The following CES5A variants were observed in gnomAD, a reference collection of about 807,000 sequenced individuals.
CES5A encodes the protein carboxylesterase 5A, also known as carboxylesterase 5.
CES5A carries 67 observed loss-of-function variants against 62.9 expected under a neutral mutation model. That is an observed-to-expected ratio of 1.07 (90% confidence interval 0.88 to 1.31). The LOEUF (loss-of-function observed/expected upper bound fraction) is 1.31, where lower values mean the gene tolerates loss of function less well. CES5A is among the 50% of genes most tolerant of loss of function. The pLI is 0.00. For missense variants in CES5A, 748 were observed against 708.5 expected, an observed-to-expected ratio of 1.06 and a Z score of -0.63; for synonymous variants, 296 against 280.8, an observed-to-expected ratio of 1.05 and a Z score of -0.54.
rs368123379 is a variant in CES5A at position 55,861,369 on chromosome 16, C to T, written c.915+43G>A. ...GGTAGGATTTGTTCATCTCTCCGTT[C>T]GAAGGGCAAGCCTGCCCCCAAAACT... is the stretch of plus-strand genomic sequence containing the variant. On this transcript the variant is annotated intron_variant, in intron 7 of 12. Coordinates refer to ENST00000290567, the MANE Select transcript of CES5A (RefSeq NM_001143685.2). 1.2e-4 allele frequency: 133 copies of T among 1,097,862 alleles called. 1 individual carries two copies. The highest frequency in any genetic ancestry group is 2.9e-4 in the African/African-American group (19 of 64,630). The allele number at this position is 1,097,862 out of a possible 1,614,324, so 68.0% of individuals were successfully genotyped here. A position where few individuals can be genotyped will look rare whatever the true frequency, so the allele number is the denominator to read the frequency against.
At chr16:55,866,175 C>G in intron 4 of CES5A, 59 bp from the exon 5 acceptor site, 2 of 1,538,898 alleles carry the variant, frequency 1.3e-6, no homozygotes, top group Non-Finnish European at 1.8e-6. Context: ...TCCCACAGCC[C>G]TGGAAGTTCT....
At chr16:55,947,124 C>T (rs1246858774) in intron 2 of CES5A, among the ~76,000 whole-genome samples, 3 of 152,056 alleles carry the variant, frequency 2.0e-5, no homozygotes, top group Non-Finnish European at 4.4e-5. Flanking sequence ...GGAGGGACCC[C>T]GGGGAAGTTA....
At position 55,873,936 on chromosome 16, in the gene CES5A, C is replaced by T. The variant is rs747900232; in HGVS notation, c.175G>A (p.Gly59Arg). 10 of 1,613,626 alleles carry T rather than the reference C, an allele frequency of 6.2e-6. No individual in the cohort carries two copies. Among genetic ancestry groups the T allele is most frequent in the East Asian group, 2.2e-5 (1 of 44,872 alleles). ...AGCGGGGGAGCAGCAAAGGGGACTC[C>T]GAGGAACACGTTCACAGGCACAGGG... is the stretch of plus-strand genomic sequence containing the variant. The part of the protein sequence containing the change: ...GSPVPVNVFL[G>R]VPFAAPPLGS... The change falls in exon 2 of 13, where the codon GGA (glycine) becomes AGA (arginine). Residue 59 changes from glycine to arginine, a missense_variant. Coordinates refer to ENST00000290567, the MANE Select transcript of CES5A (RefSeq NM_001143685.2).
intron 1 of CES5A, among the ~76,000 whole-genome samples, chr16:55,913,898 C>T (rs1009953199): frequency 6.6e-6 from 1 of 152,312 alleles, no homozygotes; most frequent in African/African-American, 2.4e-5. Context: ...ACTGTTCCCA[C>T]GTCATGTTGC....
At chr16:55,947,932 C>T (rs929861474) in intron 2 of CES5A, among the ~76,000 whole-genome samples, 4 of 151,852 alleles carry the variant, frequency 2.6e-5, no homozygotes, top group African/African-American at 9.7e-5. Context: ...TATTGGAGAG[C>T]GCTGAGCCAA....
Position 55,899,323 on chromosome 16 carries a change from G to T in CES5A, c.-255-25286C>A, listed in dbSNP as rs1186746278. Among the ~76,000 whole-genome samples the T allele has an allele frequency of 2.6e-5, 4 of 152,264 alleles. No individual in the cohort carries two copies. In the East Asian group the frequency reaches 5.8e-4, roughly 22 times the overall value. Reference sequence around the variant, plus strand: ...TATAATGGGAGGCTTCCTGGATAAGGTTTCCAAATGAGAATGGCTAGAAAA... The same window carrying T: ...TATAATGGGAGGCTTCCTGGATAAGTTTTCCAAATGAGAATGGCTAGAAAA... On this transcript the variant is annotated intron_variant, in intron 1 of 12. Transcript: ENST00000518005.
chr16:55,951,190 C>T (rs1005990525), intron 1 of CES5A, among the ~76,000 whole-genome samples: 10 of 146,900 alleles, frequency 6.8e-5, no homozygotes, highest in South Asian at 2.1e-4. Flanking sequence ...ATTCTTCCAA[C>T]GAACAAAACA....
upstream of CES5A, among the ~76,000 whole-genome samples, chr16:55,928,838 C>T (rs1483665679): frequency 6.6e-6 from 1 of 152,164 alleles, no homozygotes; most frequent in African/African-American, 2.4e-5. Context: ...CCTGCTGTCC[C>T]ACATGCTCCT....
chr16:55,900,542 G>A (rs1021271952), intron 1 of CES5A, among the ~76,000 whole-genome samples: 6 of 152,188 alleles, frequency 3.9e-5, no homozygotes, highest in Non-Finnish European at 7.4e-5. Context: ...TGAAAGAAAG[G>A]AGGGGAACTT....
chr16:55,918,178 C>T (rs1378421504), intron 1 of CES5A, among the ~76,000 whole-genome samples: 5 of 152,234 alleles, frequency 3.3e-5, no homozygotes, highest in Admixed American at 2.0e-4. Context: ...TGGTAGGTCT[C>T]GCTGACCAAC....
rs35575589 is a variant in CES5A, at chr16:55,863,761, CTT to C, written c.706-311_706-310del. On this transcript the variant is annotated intron_variant, in intron 5 of 12. Coordinates refer to ENST00000290567, the MANE Select transcript of CES5A (RefSeq NM_001143685.2). Reference sequence around the variant, plus strand: ...AATATTTTTTTATTTCTTTTTATTTCTTTTTTTTTTTTTTGAGATGGAGTCTC... The same window carrying C: ...AATATTTTTTTATTTCTTTTTATTTCTTTTTTTTTTTTGAGATGGAGTCTC... 4.4e-3 allele frequency among the ~76,000 whole-genome samples: 628 copies of C among 141,448 alleles called. 2 individuals carry two copies. The highest frequency in any genetic ancestry group is 0.014 in the African/African-American group (532 of 37,972). 92.8% of individuals were successfully genotyped at this position (141,448 alleles called of 152,430 possible).
intron 1 of CES5A, among the ~76,000 whole-genome samples, chr16:55,886,168 G>A (rs2033813506): frequency 6.6e-6 from 1 of 152,196 alleles, no homozygotes; most frequent in South Asian, 2.1e-4. Context: ...AAAAGATAGT[G>A]ATGAGAAAAA....
At chr16:55,891,853 T>C (rs2033882776) in intron 1 of CES5A, among the ~76,000 whole-genome samples, 1 of 152,180 alleles carries the variant, frequency 6.6e-6, no homozygotes. Context: ...AATCTGACTC[T>C]AGCGTAACAT....
At chr16:55,847,759 AAATATAT>A (rs1449443111) in intron 11 of CES5A, among the ~76,000 whole-genome samples, 1 of 152,244 alleles carries the variant, frequency 6.6e-6, no homozygotes, top group African/African-American at 2.4e-5. Context: ...AATCATATAT[AAATATAT>A]AATGTATATG....
intron 2 of CES5A, among the ~76,000 whole-genome samples, chr16:55,873,569 G>C (rs1230840069): frequency 6.6e-6 from 1 of 152,158 alleles, no homozygotes; most frequent in African/African-American, 2.4e-5. Context: ...ATAGTTTCCT[G>C]GGCTCAGCTC....
chr16:55,931,903 C>T (rs550027280), intron 2 of CES5A, among the ~76,000 whole-genome samples: 2 of 152,274 alleles, frequency 1.3e-5, no homozygotes, highest in Admixed American at 1.3e-4. Context: ...CATGGGCTGC[C>T]ATGGAGTTAA....
chr16:55,936,914 A>G (rs1206749410), intron 2 of CES5A, among the ~76,000 whole-genome samples: 1 of 152,192 alleles, frequency 6.6e-6, no homozygotes, highest in African/African-American at 2.4e-5. Context: ...TTTAATCCTG[A>G]AAACAACTCT....
intron 2 of CES5A, among the ~76,000 whole-genome samples, chr16:55,932,513 T>C (rs1898555802): frequency 1.4e-5 from 2 of 148,096 alleles, no homozygotes; most frequent in African/African-American, 5.0e-5. Flanking sequence ...AAATGATAGA[T>C]TGTTATTAGT....
At chr16:55,926,358 A>G (rs2034257743), upstream of CES5A, among the ~76,000 whole-genome samples, 1 of 152,242 alleles carries the variant, frequency 6.6e-6, no homozygotes, top group South Asian at 2.1e-4. Flanking sequence ...AAATGGAATT[A>G]AAAGATAACA....
Sources: gnomAD v4.1 joint callset for allele counts (sites outside exome capture counted in the v4.1 genomes callset) on GRCh38, gnomAD v4.1.1 for gene constraint, MANE v1.5 for transcripts, NCBI Gene and HGNC (gene_info 2026-07-23, HGNC 2026-07-21) for gene names.